Variants in DCC observed in about 807,000 individuals in gnomAD.
DCC encodes netrin receptor DCC.
In DCC, 58 loss-of-function variants were observed where a neutral mutation model predicts 172.5. The ratio of observed to expected loss-of-function variants is 0.34; its 90% confidence interval spans 0.27 to 0.42. The LOEUF is 0.42. Among genes scored for constraint, DCC ranks in the 10% least tolerant of loss-of-function variants. The probability of loss-of-function intolerance (pLI) is 1.00; values close to 1 mark genes in which losing one functional copy is unlikely to be tolerated. For synonymous variants in DCC, 709 were observed against 644.5 expected, an observed-to-expected ratio of 1.10 and a Z score of -1.52; for missense variants, 1,740 against 1,791.0, an observed-to-expected ratio of 0.97 and a Z score of 0.51.
intron 1 of DCC, among the ~76,000 whole-genome samples, chr18:52,602,604 T>C (rs1269398941): frequency 6.6e-6 from 1 of 152,072 alleles, no homozygotes. Context: ...TATGCCTTTA[T>C]TAAAATCACG....
At position 53,391,650 on chromosome 18, in the gene DCC, C is replaced by A. The variant is rs757201771; in HGVS notation, c.2456-5C>A. On this transcript the variant is annotated splice_polypyrimidine_tract_variant and splice_region_variant and intron_variant, in intron 16 of 28. Transcript: ENST00000442544. ...TTGTTTCATTTGGTGGGTTTTTAAA[C>A]CCAGATCCCACTGACCCAGTTGATT... is the stretch of plus-strand genomic sequence containing the variant. The A allele has an allele frequency of 6.2e-7, 1 of 1,604,566 alleles. No homozygotes were observed. Among genetic ancestry groups the A allele is most frequent in the Admixed American group, 1.7e-5 (1 of 59,990 alleles).
chr18:52,929,137 A>T (rs2040263780), intron 5 of DCC, among the ~76,000 whole-genome samples: 1 of 152,084 alleles, frequency 6.6e-6, no homozygotes, highest in South Asian at 2.1e-4. Flanking sequence ...AAATATCAGT[A>T]TTGAGGCAGA....
At chr18:52,801,143 G>A (rs776385427) in intron 2 of DCC, among the ~76,000 whole-genome samples, 3 of 152,048 alleles carry the variant, frequency 2.0e-5, no homozygotes, top group Non-Finnish European at 4.4e-5. Context: ...ACATTCTACT[G>A]GTCAAAACCC....
At chr18:53,064,815 A>G (rs774727184) in intron 6 of DCC, among the ~76,000 whole-genome samples, 2 of 152,206 alleles carry the variant, frequency 1.3e-5, no homozygotes, top group Non-Finnish European at 2.9e-5. Context: ...ATTAAAAATG[A>G]TCTGCCAATG....
rs376335280 is a variant in DCC at position 52,528,029 on chromosome 18, C to A, written c.91+187151C>A. Among the ~76,000 whole-genome samples the A allele has an allele frequency of 2.0e-3, 299 of 152,304 alleles. 2 individuals are homozygous for A. Among genetic ancestry groups the A allele is most frequent in the African/African-American group, 7.0e-3 (291 of 41,580 alleles). On this transcript the variant is annotated intron_variant, in intron 1 of 28. Transcript: ENST00000442544. The stretch of plus-strand genomic sequence containing the variant: ...CTGACTTTCTAAGCTCTAAAATATT[C>A]TTGTTGCCCTTTATTACAGCTAAAT...
At chr18:53,127,059 G>T (rs2043568557) in intron 7 of DCC, among the ~76,000 whole-genome samples, 1 of 150,842 alleles carries the variant, frequency 6.6e-6, no homozygotes, top group South Asian at 2.1e-4. Context: ...TTAGAGATCA[G>T]TTTTAATGAC....
At chr18:52,519,813 T>C (rs866105872) in intron 1 of DCC, among the ~76,000 whole-genome samples, 31 of 152,170 alleles carry the variant, frequency 2.0e-4, no homozygotes, top group Admixed American at 5.9e-4. Flanking sequence ...GACAGTTGTG[T>C]GAAAATTGCT....
intron 7 of DCC, among the ~76,000 whole-genome samples, chr18:53,115,934 AG>A (rs1338477155): frequency 1.3e-5 from 2 of 151,536 alleles, no homozygotes; most frequent in Non-Finnish European, 3.0e-5. Flanking sequence ...GCAATGGACC[AG>A]GGACAAATCC....
At position 53,532,863 on chromosome 18, in the gene DCC, C is replaced by A. The variant is rs2046538326; in HGVS notation, c.*2210C>A. 6.6e-6 allele frequency: 1 copy of A among 150,566 alleles called. No homozygotes were observed. Among genetic ancestry groups the A allele is most frequent in the Non-Finnish European group, 1.5e-5 (1 of 67,758 alleles). The allele number at this position is 150,566 out of a possible 1,614,324, so 9.3% of individuals were successfully genotyped here. A position where few individuals can be genotyped will look rare whatever the true frequency, so the allele number is the denominator to read the frequency against. On this transcript the variant is annotated 3_prime_UTR_variant, in exon 29 of 29. Coordinates refer to ENST00000442544, the MANE Select transcript of DCC (RefSeq NM_005215.4). ...CTATCATTTTCACAAATTTCTAGAT[C>A]CTTCTAGTCAAAAATAATTATTTAG... is the stretch of plus-strand genomic sequence containing the variant.
chr18:52,968,660 T>G (rs1372018884), intron 5 of DCC, among the ~76,000 whole-genome samples: 1 of 152,218 alleles, frequency 6.6e-6, no homozygotes, highest in African/African-American at 2.4e-5. Context: ...AAAATTATTC[T>G]GTAAATAATG....
chr18:52,484,660 C>G (rs559942027), intron 1 of DCC, among the ~76,000 whole-genome samples: 1 of 151,960 alleles, frequency 6.6e-6, no homozygotes, highest in Non-Finnish European at 1.5e-5. Flanking sequence ...CAGCTAGGTA[C>G]TAGTTCTTCT....
At chr18:53,280,999 TCTC>T (rs142201489) in intron 12 of DCC, among the ~76,000 whole-genome samples, 6,988 of 152,150 alleles carry the variant, frequency 0.046, 550 homozygotes, top group African/African-American at 0.16. Context: ...ATGAATAACT[TCTC>T]CTCAGAAGAG....
intron 5 of DCC, among the ~76,000 whole-genome samples, chr18:52,951,273 C>T (rs181841917): frequency 1.3e-5 from 2 of 151,484 alleles, no homozygotes; most frequent in Admixed American, 6.6e-5. Flanking sequence ...CTTTACAAAT[C>T]TTTTTTTTTA....
At chr18:53,421,367 T>C (rs1160462592) in intron 21 of DCC, among the ~76,000 whole-genome samples, 6 of 152,180 alleles carry the variant, frequency 3.9e-5, no homozygotes, top group Non-Finnish European at 7.4e-5. Context: ...TCACCATTGC[T>C]GAGATGAATT....
intron 15 of DCC, among the ~76,000 whole-genome samples, chr18:53,342,558 AAG>A (rs1224610894): frequency 1.3e-5 from 2 of 151,196 alleles, no homozygotes; most frequent in Non-Finnish European, 3.0e-5. Flanking sequence ...GCATTTTTAA[AAG>A]AGCATTATTG....
At chr18:52,784,934 G>GGGGAGA (rs536041160) in intron 2 of DCC, among the ~76,000 whole-genome samples, 38 of 141,550 alleles carry the variant, frequency 2.7e-4, no homozygotes, top group African/African-American at 8.6e-4. Context: ...AGAGAAGGGG[G>GGGGAGA]GAGAGAGAGA....
chr18:53,028,266 A>G (rs1159775318), intron 5 of DCC, among the ~76,000 whole-genome samples: 3 of 151,960 alleles, frequency 2.0e-5, no homozygotes, highest in Non-Finnish European at 4.4e-5. Context: ...TTTTGTTTTG[A>G]TTTTTGCTTT....
chr18:53,038,510 A>G (rs529885040), intron 5 of DCC, among the ~76,000 whole-genome samples: 5 of 152,072 alleles, frequency 3.3e-5, no homozygotes, highest in Admixed American at 1.3e-4. Flanking sequence ...TTCAGCCCCT[A>G]ACACCTATAC....
At chr18:52,462,646 T>G (rs1025334396) in intron 1 of DCC, among the ~76,000 whole-genome samples, 5 of 152,108 alleles carry the variant, frequency 3.3e-5, no homozygotes, top group Non-Finnish European at 5.9e-5. Flanking sequence ...CCTTCCCTGA[T>G]TTTTCTCCAT....
Sources: allele counts gnomAD v4.1 joint callset (sites outside exome capture counted in the v4.1 genomes callset), GRCh38; gene constraint gnomAD v4.1.1; transcripts MANE v1.5; gene names NCBI Gene and HGNC (gene_info 2026-07-23, HGNC 2026-07-21).